Variants in NPAS3 observed in about 807,000 individuals in gnomAD.
NPAS3 encodes neuronal PAS domain protein 3, also known as neuronal PAS domain-containing protein 3.
NPAS3 carries 14 observed loss-of-function variants against 73.1 expected under a neutral mutation model. That is an observed-to-expected ratio of 0.19 (90% CI 0.13 to 0.30). The LOEUF is 0.30. Among genes scored for constraint, NPAS3 ranks in the 10% least tolerant of loss-of-function variants. NPAS3 has a pLI of 1.00. For missense variants in NPAS3, 1,096 were observed against 1,250.0 expected (o/e 0.88, Z 1.86); for synonymous variants, 620 against 541.5 (o/e 1.14, Z -2.01).
intron 4 of NPAS3, among the ~76,000 whole-genome samples, chr14:33,461,914 G>A (rs758659807): frequency 2.6e-5 from 4 of 152,148 alleles, no homozygotes; most frequent in Non-Finnish European, 4.4e-5. Flanking sequence ...AAATTCATGA[G>A]GTAATAGAGA....
intron 2 of NPAS3, among the ~76,000 whole-genome samples, chr14:33,063,335 G>C (rs529877685): frequency 3.2e-4 from 49 of 152,242 alleles, no homozygotes; most frequent in African/African-American, 1.2e-3. Flanking sequence ...TTACAGATAA[G>C]GTAACAGAAG....
chr14:33,459,516 T>G (rs2050163837), intron 4 of NPAS3, among the ~76,000 whole-genome samples: 1 of 152,234 alleles, frequency 6.6e-6, no homozygotes, highest in Admixed American at 6.5e-5. Flanking sequence ...CATGAGCACT[T>G]AAAATCAGTG....
chr14:33,448,658 C>A (rs1366099537), intron 4 of NPAS3, among the ~76,000 whole-genome samples: 1 of 152,156 alleles, frequency 6.6e-6, no homozygotes, highest in Admixed American at 6.5e-5. Context: ...ACTTCATTTG[C>A]ACCTAAATTT....
At chr14:33,176,335 A>G (rs1273696650) in intron 2 of NPAS3, among the ~76,000 whole-genome samples, 3 of 152,056 alleles carry the variant, frequency 2.0e-5, no homozygotes, top group Admixed American at 1.3e-4. Context: ...ATGACTCCCA[A>G]ACAAACTCTG....
chr14:33,010,840 C>T (rs558149516), intron 1 of NPAS3, among the ~76,000 whole-genome samples: 6 of 148,688 alleles, frequency 4.0e-5, no homozygotes, highest in Admixed American at 1.4e-4. Context: ...GAGGCTGAAG[C>T]GGGGGGATCG....
intron 4 of NPAS3, among the ~76,000 whole-genome samples, chr14:33,536,524 T>G (rs906475263): frequency 6.6e-6 from 1 of 152,126 alleles, no homozygotes; most frequent in Admixed American, 6.6e-5. Flanking sequence ...GAAGAAGTGT[T>G]TCCTCAACTT....
At chr14:33,308,095 A>G (rs970257508) in intron 3 of NPAS3, among the ~76,000 whole-genome samples, 1 of 152,124 alleles carries the variant, frequency 6.6e-6, no homozygotes, top group Non-Finnish European at 1.5e-5. Flanking sequence ...CAAGGACAGG[A>G]GAATGGGGGG....
Position 33,596,570 on chromosome 14 carries a change from G to A in NPAS3, c.558+36360G>A, listed in dbSNP as rs538964461. ...AATTGTTGGAATATCTCAGGACATCGGTAAAGAGACTCCTGCTTTAACCAG... is the reference window on the plus strand; with the variant it reads ...AATTGTTGGAATATCTCAGGACATCAGTAAAGAGACTCCTGCTTTAACCAG... On this transcript the variant is annotated intron_variant, in intron 5 of 11. Transcript: ENST00000356141. Among the ~76,000 whole-genome samples, 45 of 152,238 alleles carry A rather than the reference G, an allele frequency of 3.0e-4. No individual in the cohort carries two copies. The South Asian group carries it at 7.7e-3, about 26-fold the overall frequency.
At chr14:33,113,329 C>T (rs1402131402) in intron 2 of NPAS3, among the ~76,000 whole-genome samples, 1 of 152,060 alleles carries the variant, frequency 6.6e-6, no homozygotes, top group Non-Finnish European at 1.5e-5. Context: ...TTGTTTGTGT[C>T]CTCTTTTATT....
chr14:33,347,224 G>A (rs1348407598), intron 3 of NPAS3, among the ~76,000 whole-genome samples: 5 of 152,176 alleles, frequency 3.3e-5, no homozygotes, highest in South Asian at 2.1e-4. Flanking sequence ...AAACAAGTAT[G>A]TTTGCTAAGT....
chr14:33,173,631 T>C (rs1022508471), intron 2 of NPAS3, among the ~76,000 whole-genome samples: 2 of 152,214 alleles, frequency 1.3e-5, no homozygotes, highest in East Asian at 1.9e-4. Context: ...ATACTGAATG[T>C]AGGAAAATAA....
At chr14:33,775,931 G>A (rs1231486439) in intron 8 of NPAS3, among the ~76,000 whole-genome samples, 1 of 152,224 alleles carries the variant, frequency 6.6e-6, no homozygotes, top group Admixed American at 6.5e-5. Flanking sequence ...GGACAGTCCT[G>A]TGAGGCAGGT....
chr14:32,949,764 C>T (rs748328960), intron 1 of NPAS3, among the ~76,000 whole-genome samples: 3 of 151,526 alleles, frequency 2.0e-5, no homozygotes, highest in Non-Finnish European at 4.4e-5. Flanking sequence ...GGAAAAAGTC[C>T]AGCCCTATGC....
At chr14:33,300,746 G>A (rs1042126267) in intron 3 of NPAS3, among the ~76,000 whole-genome samples, 2 of 152,092 alleles carry the variant, frequency 1.3e-5, no homozygotes, top group African/African-American at 4.8e-5. Context: ...TTGGGGGCCT[G>A]GAGAGAGCAC....
chr14:33,578,966 TA>T (rs1386369583), intron 5 of NPAS3, among the ~76,000 whole-genome samples: 1 of 152,220 alleles, frequency 6.6e-6, no homozygotes, highest in African/African-American at 2.4e-5. Flanking sequence ...GAGAATAGAC[TA>T]ATGTGCCAAG....
chr14:32,971,936 CTTT>C (rs66998179), intron 1 of NPAS3, among the ~76,000 whole-genome samples: 1 of 112,932 alleles, frequency 8.9e-6, no homozygotes, highest in Admixed American at 9.5e-5. Flanking sequence ...CAGTGGGACT[CTTT>C]TTTTTTTTTT....
At chr14:33,546,897 C>CT (rs1050401201) in intron 4 of NPAS3, among the ~76,000 whole-genome samples, 1 of 152,056 alleles carries the variant, frequency 6.6e-6, no homozygotes, top group Non-Finnish European at 1.5e-5. Context: ...TTAGGCCTGC[C>CT]TTGTGGGTCA....
At chr14:33,423,243 C>T (rs1428575612) in intron 4 of NPAS3, among the ~76,000 whole-genome samples, 1 of 151,952 alleles carries the variant, frequency 6.6e-6, no homozygotes. Context: ...TATTGATGGT[C>T]AAGGCTTTTT....
At chr14:33,058,931 G>T (rs1443891091) in intron 2 of NPAS3, among the ~76,000 whole-genome samples, 1 of 152,214 alleles carries the variant, frequency 6.6e-6, no homozygotes, top group East Asian at 1.9e-4. Context: ...TCAGTCTTAT[G>T]AAAAGGGTTC....
Sources: gnomAD v4.1 joint callset for allele counts (sites outside exome capture counted in the v4.1 genomes callset) on GRCh38, gnomAD v4.1.1 for gene constraint, MANE v1.5 for transcripts, NCBI Gene and HGNC (gene_info 2026-07-23, HGNC 2026-07-21) for gene names.